Variants in MAF observed in about 807,000 individuals in gnomAD.
MAF encodes the protein MAF bZIP transcription factor.
Under a neutral mutation model 22.0 loss-of-function variants are expected in MAF, and 10 were observed. That is an observed-to-expected ratio of 0.45 (90% CI 0.28 to 0.77). The LOEUF (loss-of-function observed/expected upper bound fraction) is 0.77, where lower values mean the gene tolerates loss of function less well. MAF is among the 30% of genes least tolerant of loss of function. The pLI is 0.12. For missense variants in MAF, 544 were observed against 548.4 expected, an observed-to-expected ratio of 0.99 and a Z score of 0.08; for synonymous variants, 337 against 255.8, an observed-to-expected ratio of 1.32 and a Z score of -3.03.
At chr16:79,568,738 C>T in the MAF span, among the ~76,000 whole-genome samples, 3 of 152,154 alleles carry the variant, frequency 2.0e-5, no homozygotes, top group Non-Finnish European at 4.4e-5. Flanking sequence ...AGTGGACCTA[C>T]AAATTGAGAA....
chr16:79,465,982 T>C, the MAF span, among the ~76,000 whole-genome samples: 1 of 152,360 alleles, frequency 6.6e-6, no homozygotes. Flanking sequence ...CTTGTATTCA[T>C]CTGTAATTCC....
the MAF span, among the ~76,000 whole-genome samples, chr16:79,391,422 T>C: frequency 1.3e-5 from 2 of 152,160 alleles, no homozygotes; most frequent in African/African-American, 4.8e-5. Context: ...GGGAAGCAAT[T>C]GACTCCACGA....
At chr16:79,290,676 G>A in the MAF span, among the ~76,000 whole-genome samples, 6 of 152,084 alleles carry the variant, frequency 3.9e-5, no homozygotes, top group African/African-American at 4.8e-5. Context: ...AAACGGGTGT[G>A]CTTTGAGACA....
chr16:79,326,405 A>AT, the MAF span, among the ~76,000 whole-genome samples: 2 of 152,206 alleles, frequency 1.3e-5, no homozygotes, highest in Non-Finnish European at 2.9e-5. Context: ...AACTTTTTCC[A>AT]TCCCAAATTG....
At chr16:79,408,782 T>C in the MAF span, among the ~76,000 whole-genome samples, 3 of 151,934 alleles carry the variant, frequency 2.0e-5, no homozygotes, top group African/African-American at 7.3e-5. Context: ...CTAAACTAGA[T>C]ACTAAGGATA....
the MAF span, among the ~76,000 whole-genome samples, chr16:79,299,566 C>G: frequency 3.9e-5 from 6 of 152,002 alleles, no homozygotes; most frequent in Non-Finnish European, 8.8e-5. Flanking sequence ...GAGTTATTTC[C>G]GGTGGGTCTG....
the MAF span, among the ~76,000 whole-genome samples, chr16:79,373,971 G>A: frequency 6.6e-6 from 1 of 152,150 alleles, no homozygotes; most frequent in African/African-American, 2.4e-5. Context: ...GTCCAACACA[G>A]CAAGAGAATT....
chr16:79,423,853 C>A, the MAF span, among the ~76,000 whole-genome samples: 3 of 152,142 alleles, frequency 2.0e-5, no homozygotes, highest in Non-Finnish European at 4.4e-5. Context: ...CATATTCAAT[C>A]AAAAATTAAA....
At chr16:79,448,771 C>T in the MAF span, among the ~76,000 whole-genome samples, 2 of 151,680 alleles carry the variant, frequency 1.3e-5, no homozygotes, top group Non-Finnish European at 2.9e-5. Context: ...AAAAAACACA[C>T]ACAATGCTAC....
the MAF span, among the ~76,000 whole-genome samples, chr16:79,479,223 T>C: frequency 1.3e-5 from 2 of 152,228 alleles, no homozygotes; most frequent in African/African-American, 4.8e-5. Context: ...AGTGCACCCA[T>C]GCACAACCCC....
At chr16:79,489,647 G>A in the MAF span, among the ~76,000 whole-genome samples, 1 of 152,210 alleles carries the variant, frequency 6.6e-6, no homozygotes, top group African/African-American at 2.4e-5. Context: ...AGAGAGAAAA[G>A]ACAACATGGC....
chr16:79,555,665 T>C, the MAF span, among the ~76,000 whole-genome samples: 1 of 152,212 alleles, frequency 6.6e-6, no homozygotes, highest in Non-Finnish European at 1.5e-5. Context: ...GAAATGCTCA[T>C]TGGAGCATTT....
the MAF span, among the ~76,000 whole-genome samples, chr16:79,441,719 C>G: frequency 1.3e-5 from 2 of 152,176 alleles, no homozygotes; most frequent in African/African-American, 4.8e-5. Context: ...TTGTTTCCTT[C>G]CATAGCAAGA....
Position 79,595,874 on chromosome 16 carries a change from G to A in MAF, c.1119-1321C>T, listed in dbSNP as rs1005921300. 7.6e-6 allele frequency: 8 copies of A among 1,058,708 alleles called. No individual in the cohort carries two copies. In the African/African-American group the frequency reaches 1.3e-4, roughly 17 times the overall value. 65.6% of individuals were successfully genotyped at this position (1,058,708 alleles called of 1,614,324 possible). Reference sequence around the variant, plus strand: ...TATGTACTTGGAAATATGGAAGTAAGGAGTGGATTTTCTTTTTCCTATTTA... The same window carrying A: ...TATGTACTTGGAAATATGGAAGTAAAGAGTGGATTTTCTTTTTCCTATTTA... On this transcript the variant is annotated intron_variant, in intron 1 of 1. Coordinates refer to ENST00000326043, the MANE Select transcript of MAF (RefSeq NM_005360.5).
At chr16:79,576,655 T>C in the MAF span, among the ~76,000 whole-genome samples, 1 of 152,170 alleles carries the variant, frequency 6.6e-6, no homozygotes, top group African/African-American at 2.4e-5. Context: ...TCCAATATCA[T>C]AACGGCAAAG....
the MAF span, among the ~76,000 whole-genome samples, chr16:79,334,348 A>G: frequency 6.6e-6 from 1 of 152,114 alleles, no homozygotes; most frequent in East Asian, 1.9e-4. Flanking sequence ...GAAGCAAACG[A>G]ATCCACACCG....
chr16:79,232,960 C>A, the MAF span, among the ~76,000 whole-genome samples: 10 of 151,330 alleles, frequency 6.6e-5, no homozygotes, highest in African/African-American at 9.7e-5. Context: ...CCTGCCTCAG[C>A]CTCCCCAGCA....
the MAF span, among the ~76,000 whole-genome samples, chr16:79,535,410 G>C: frequency 1.0e-4 from 15 of 150,676 alleles, no homozygotes; most frequent in East Asian, 3.0e-3. Context: ...ACTTCTGCTT[G>C]TTTTATGGGT....
chr16:79,572,077 G>C, the MAF span, among the ~76,000 whole-genome samples: 1 of 152,246 alleles, frequency 6.6e-6, no homozygotes, highest in East Asian at 1.9e-4. Context: ...TGGCTTAAGG[G>C]GATTCCACCT....
Sources: gnomAD v4.1 joint callset for allele counts (sites outside exome capture counted in the v4.1 genomes callset) on GRCh38, gnomAD v4.1.1 for gene constraint, MANE v1.5 for transcripts, NCBI Gene and HGNC (gene_info 2026-07-23, HGNC 2026-07-21) for gene names.